ZNF525: variants seen among roughly 807,000 people sequenced by gnomAD.
The protein encoded by ZNF525 is zinc finger protein 525.
Under a neutral mutation model 37.6 loss-of-function variants are expected in ZNF525, and 33 were observed. The ratio of observed to expected loss-of-function variants is 0.88; its 90% CI spans 0.67 to 1.17. ZNF525 has a LOEUF of 1.17. Ranked by LOEUF, ZNF525 falls within the 50% of genes most tolerant of loss-of-function variation. The pLI, the probability that ZNF525 is intolerant of heterozygous loss-of-function variation, is 0.00. For synonymous variants in ZNF525, 170 were observed against 182.3 expected (o/e 0.93, Z 0.54); for missense variants, 449 against 543.1 (o/e 0.83, Z 1.72).
chr19:53,383,734 C>A lies in ZNF525; in HGVS notation c.*1715C>A. On this transcript the variant is annotated 3_prime_UTR_variant, in exon 4 of 4. Transcript: ENST00000474037. ...GAAGCCATAATGAAGAGAGATCTTA[C>A]AAATGTAATAATTGTGGCAAATTTT... 1 of 611,330 alleles carries A rather than the reference C, an allele frequency of 1.6e-6. No homozygotes were observed. Among genetic ancestry groups the A allele is most frequent in the Non-Finnish European group, 2.9e-6 (1 of 347,406 alleles). 37.9% of individuals were successfully genotyped at this position (611,330 alleles called of 1,614,324 possible). A position where few individuals can be genotyped will look rare whatever the true frequency, so the allele number is the denominator to read the frequency against.
rs2085571687 is a variant in ZNF525 at position 53,382,239 on chromosome 19, A to G, written c.*220A>G. On this transcript the variant is annotated 3_prime_UTR_variant, in exon 4 of 4. Transcript: ENST00000474037. ...CACTGGTGAGAAACCTTACAGGTGTAATAGGTGTGGCAAGACCTTCAGTCA... is the reference window on the plus strand; with the variant it reads ...CACTGGTGAGAAACCTTACAGGTGTGATAGGTGTGGCAAGACCTTCAGTCA... 1 of 1,561,374 alleles carries G rather than the reference A, an allele frequency of 6.4e-7. No individual in the cohort carries two copies. Among genetic ancestry groups the G allele is most frequent in the Non-Finnish European group, 8.8e-7 (1 of 1,132,538 alleles).
chr19:53,376,362 GA>G (rs1568758875), intron 3 of ZNF525: 1 of 698,120 alleles, frequency 1.4e-6, no homozygotes, highest in Non-Finnish European at 2.6e-6. Flanking sequence ...TCTGAGTGCA[GA>G]GTTAAATATT....
chr19:53,366,237 C>T (rs1216783872), intron 1 of ZNF525, among the ~76,000 whole-genome samples: 3 of 114,288 alleles, frequency 2.6e-5, no homozygotes, highest in African/African-American at 7.5e-5. Flanking sequence ...ATGCCGGGCC[C>T]TGCTGCTCCC....
At position 53,372,227 on chromosome 19, in the gene ZNF525, A is replaced by C; in HGVS notation, c.-55A>C. Reference sequence around the variant, plus strand: ...TTTTATCACTCAGGATTGACATCTAAAGACTCTTGGTACATGAGGAAGAAA... The same window carrying C: ...TTTTATCACTCAGGATTGACATCTACAGACTCTTGGTACATGAGGAAGAAA... On this transcript the variant is annotated 5_prime_UTR_variant, in exon 2 of 4. Transcript: ENST00000474037. The C allele has an allele frequency of 1.4e-6, 1 of 715,892 alleles. No homozygotes were observed. The highest frequency in any genetic ancestry group is 2.4e-5 in the East Asian group (1 of 41,082). The allele number at this position is 715,892 out of a possible 1,614,324, so 44.3% of individuals were successfully genotyped here. A position where few individuals can be genotyped will look rare whatever the true frequency, so the allele number is the denominator to read the frequency against.
intron 3 of ZNF525, among the ~76,000 whole-genome samples, chr19:53,380,087 A>T (rs1299956585): frequency 6.6e-6 from 1 of 152,084 alleles, no homozygotes; most frequent in Non-Finnish European, 1.5e-5. Flanking sequence ...ACAGTTATTC[A>T]GAAAAATATT....
In ZNF525 at chr19:53,383,634, G is replaced by T; in HGVS notation, c.*1615G>T. The T allele has an allele frequency of 8.3e-7, 1 of 1,199,372 alleles. No individual in the cohort carries two copies. Among genetic ancestry groups the T allele is most frequent in the South Asian group, 1.4e-5 (1 of 71,742 alleles). The allele number at this position is 1,199,372 out of a possible 1,614,324, so 74.3% of individuals were successfully genotyped here. ...CTTATTCACCATCAGGCAATCCGTA[G>T]TGTAGGGAAACTTGACTAACGTAAT... On this transcript the variant is annotated 3_prime_UTR_variant, in exon 4 of 4. Coordinates refer to ENST00000474037, the MANE Select transcript of ZNF525 (RefSeq NM_001348156.2).
intron 1 of ZNF525, among the ~76,000 whole-genome samples, chr19:53,369,760 T>C (rs1207098497): frequency 8.4e-6 from 1 of 119,544 alleles, no homozygotes; most frequent in Non-Finnish European, 1.7e-5. Flanking sequence ...GGAGTCTCGC[T>C]GTCACCCAGG....
chr19:53,381,583 C>T lies in ZNF525; in HGVS notation c.1004C>T (p.Thr335Ile), dbSNP rs1178852394. The change falls in exon 4 of 4, where the codon ACC becomes ATC. Residue 335 changes from threonine to isoleucine, a missense_variant. Transcript: ENST00000474037. ...KPHKCNECGK[T>I]FSQKSYLACH... ...CATAAGTGTAATGAGTGTGGCAAGACCTTTAGTCAGAAGTCATACCTTGCA... is the reference window on the plus strand; with the variant it reads ...CATAAGTGTAATGAGTGTGGCAAGATCTTTAGTCAGAAGTCATACCTTGCA... 3 of 1,146,514 alleles carry T rather than the reference C, an allele frequency of 2.6e-6. No individual in the cohort carries two copies. Among genetic ancestry groups the T allele is most frequent in the South Asian group, 2.5e-5 (2 of 81,504 alleles). The allele number at this position is 1,146,514 out of a possible 1,614,324, so 71.0% of individuals were successfully genotyped here. A position where few individuals can be genotyped will look rare whatever the true frequency, so the allele number is the denominator to read the frequency against.
chr19:53,382,057 AATGTT>A lies in ZNF525; in HGVS notation c.*41_*45del. The A allele has an allele frequency of 7.1e-7, 1 of 1,403,722 alleles. No individual in the cohort carries two copies. Among genetic ancestry groups the A allele is most frequent in the Non-Finnish European group, 1.0e-6 (1 of 1,003,098 alleles). The allele number at this position is 1,403,722 out of a possible 1,614,324, so 87.0% of individuals were successfully genotyped here. A position where few individuals can be genotyped will look rare whatever the true frequency, so the allele number is the denominator to read the frequency against. On this transcript the variant is annotated 3_prime_UTR_variant, in exon 4 of 4. Transcript: ENST00000474037. ...CGTCAGAAAATTCATACTGGAGAGA[AATGTT>A]ATAAGTGTAATGATTGTGGCAAGAT... is the stretch of plus-strand genomic sequence containing the variant.
Position 53,382,867 on chromosome 19 carries a change from T to A in ZNF525, c.*848T>A, listed in dbSNP as rs1437829570. 2.9e-6 allele frequency: 4 copies of A among 1,361,046 alleles called. No individual in the cohort carries two copies. The highest frequency in any genetic ancestry group is 2.4e-5 in the East Asian group (1 of 42,246). The allele number at this position is 1,361,046 out of a possible 1,614,324, so 84.3% of individuals were successfully genotyped here. A position where few individuals can be genotyped will look rare whatever the true frequency, so the allele number is the denominator to read the frequency against. On this transcript the variant is annotated 3_prime_UTR_variant, in exon 4 of 4. Transcript: ENST00000474037. ...TCAGATTCAAATCAAACCTTGAAAG[T>A]CATAGGAGAATTCATACTAGAGAGA...
At chr19:53,369,415 A>AT (rs2085469521) in intron 1 of ZNF525, among the ~76,000 whole-genome samples, 1 of 123,840 alleles carries the variant, frequency 8.1e-6, no homozygotes, top group Non-Finnish European at 1.7e-5. Flanking sequence ...TTTAGTAGAG[A>AT]CGGGTTTCAC....
At chr19:53,377,853 C>T (rs552379500) in intron 3 of ZNF525, among the ~76,000 whole-genome samples, 1 of 152,310 alleles carries the variant, frequency 6.6e-6, no homozygotes, top group African/African-American at 2.4e-5. Context: ...AACCACCTCA[C>T]TCAGCCGGCC....
Position 53,365,716 on chromosome 19 carries a change from A to G in ZNF525, c.-111A>G. ...GTCCTTCCCCGCTCAGACGCGCGCAAACCCGGAAGCAGATCGCGTGGAGTG... is the reference window on the plus strand; with the variant it reads ...GTCCTTCCCCGCTCAGACGCGCGCAGACCCGGAAGCAGATCGCGTGGAGTG... On this transcript the variant is annotated 5_prime_UTR_variant, in exon 1 of 4. Coordinates refer to ENST00000474037, the MANE Select transcript of ZNF525 (RefSeq NM_001348156.2). 1 of 177,962 alleles carries G rather than the reference A, an allele frequency of 5.6e-6. No homozygotes were observed. Among genetic ancestry groups the G allele is most frequent in the Non-Finnish European group, 1.2e-5 (1 of 82,504 alleles). The allele number at this position is 177,962 out of a possible 1,614,324, so 11.0% of individuals were successfully genotyped here. A position where few individuals can be genotyped will look rare whatever the true frequency, so the allele number is the denominator to read the frequency against.
chr19:53,383,880 A>G lies in ZNF525; in HGVS notation c.*1861A>G, dbSNP rs535120221. 154 of 604,726 alleles carry G rather than the reference A, an allele frequency of 2.5e-4. No individual in the cohort carries two copies. The African/African-American group carries it at 2.7e-3, about 11-fold the overall frequency. The allele number at this position is 604,726 out of a possible 1,614,324, so 37.5% of individuals were successfully genotyped here. A position where few individuals can be genotyped will look rare whatever the true frequency, so the allele number is the denominator to read the frequency against. Reference sequence around the variant, plus strand: ...CATCTTTTGCAAAACAGGAGAATTCATACAGGAGAGAAACCTCACAAGTGT... The same window carrying G: ...CATCTTTTGCAAAACAGGAGAATTCGTACAGGAGAGAAACCTCACAAGTGT... On this transcript the variant is annotated 3_prime_UTR_variant, in exon 4 of 4. Transcript: ENST00000474037.
In ZNF525 at chr19:53,381,575, T is replaced by A. The variant is rs1259192443; in HGVS notation, c.996T>A (p.Cys332Ter). 8.6e-7 allele frequency: 1 copy of A among 1,158,286 alleles called. No homozygotes were observed. The highest frequency in any genetic ancestry group is 1.3e-6 in the Non-Finnish European group (1 of 763,450). 71.8% of individuals were successfully genotyped at this position (1,158,286 alleles called of 1,614,324 possible). A position where few individuals can be genotyped will look rare whatever the true frequency, so the allele number is the denominator to read the frequency against. Residue 332 changes from cysteine to a stop codon, truncating the protein, a stop_gained, in exon 4 of 4, where the codon TGT becomes TGA. Transcript: ENST00000474037. LOFTEE classifies it high-confidence loss of function. The part of the protein sequence containing the change: ...TGEKPHKCNE[C>*]GKTFSQKSYL... ...AGAAACCACATAAGTGTAATGAGTG[T>A]GGCAAGACCTTTAGTCAGAAGTCAT... is the stretch of plus-strand genomic sequence containing the variant.
At chr19:53,376,004 A>G (rs2085519291) in intron 3 of ZNF525, 108 bp downstream of exon 3, 6 of 1,586,972 alleles carry the variant, frequency 3.8e-6, no homozygotes, top group Middle Eastern at 1.7e-4. Context: ...GTGGGGTGCA[A>G]TGGTGTGATC....
rs997801309 is a variant in ZNF525, at chr19:53,384,882, A to G, written c.*2863A>G. 7.2e-6 allele frequency: 5 copies of G among 692,272 alleles called. No individual in the cohort carries two copies. Among genetic ancestry groups the G allele is most frequent in the African/African-American group, 7.1e-5 (4 of 56,542 alleles). The allele number at this position is 692,272 out of a possible 1,614,324, so 42.9% of individuals were successfully genotyped here. A position where few individuals can be genotyped will look rare whatever the true frequency, so the allele number is the denominator to read the frequency against. On this transcript the variant is annotated 3_prime_UTR_variant, in exon 4 of 4. Transcript: ENST00000474037. ...GTGAGATCGTACAGGAAAGCATTCC[A>G]TTTTCCCTGCTTGGTTATTTACTCA... is the stretch of plus-strand genomic sequence containing the variant.
intron 3 of ZNF525, among the ~76,000 whole-genome samples, chr19:53,379,919 T>C (rs1016851180): frequency 6.6e-6 from 1 of 152,104 alleles, no homozygotes; most frequent in African/African-American, 2.4e-5. Context: ...GGAGAATGGC[T>C]TGAACCCAAA....
Position 53,384,828 on chromosome 19 carries a change from T to G in ZNF525, c.*2809T>G, listed in dbSNP as rs1041129638. On this transcript the variant is annotated 3_prime_UTR_variant, in exon 4 of 4. Coordinates refer to ENST00000474037, the MANE Select transcript of ZNF525 (RefSeq NM_001348156.2). ...GCTAGGACAGGCAGTATTGATTGAA[T>G]AGAAGGGGTGAGAGCATTCTTGCAT... 3 of 610,158 alleles carry G rather than the reference T, an allele frequency of 4.9e-6. No individual in the cohort carries two copies. In the African/African-American group the frequency reaches 5.6e-5, roughly 11 times the overall value. 37.8% of individuals were successfully genotyped at this position (610,158 alleles called of 1,614,324 possible).
Sources: gnomAD v4.1 joint callset for allele counts (sites outside exome capture counted in the v4.1 genomes callset) on GRCh38, gnomAD v4.1.1 for gene constraint, MANE v1.5 for transcripts, NCBI Gene and HGNC (gene_info 2026-07-23, HGNC 2026-07-21) for gene names.